The following GABPB1 variants were observed in gnomAD, a reference collection of about 807,000 sequenced individuals.
The protein encoded by GABPB1 is GA-binding protein subunit beta-1.
A neutral mutation model predicts 45.9 loss-of-function variants in GABPB1; 15 were observed. The ratio of observed to expected loss-of-function variants is 0.33; its 90% CI spans 0.22 to 0.50. GABPB1 has a LOEUF of 0.50. GABPB1 is among the 20% of genes least tolerant of loss of function. GABPB1 has a pLI of 0.98. For synonymous variants in GABPB1, 143 were observed against 154.4 expected, an observed-to-expected ratio of 0.93 and a Z score of 0.55; for missense variants, 252 against 457.5, an observed-to-expected ratio of 0.55 and a Z score of 4.10.
intron 1 of GABPB1, among the ~76,000 whole-genome samples, chr15:50,338,958 C>T (rs1244678564): frequency 6.6e-6 from 1 of 152,108 alleles, no homozygotes; most frequent in African/African-American, 2.4e-5. Context: ...GTCTGGAGTT[C>T]AAGACCAGCC....
chr15:50,339,173 C>G (rs1042386415), intron 1 of GABPB1, among the ~76,000 whole-genome samples: 1 of 152,066 alleles, frequency 6.6e-6, no homozygotes, highest in Non-Finnish European at 1.5e-5. Context: ...ACAAAACTAG[C>G]CAGGCATGGT....
chr15:50,299,401 C>G (rs1027166576), intron 6 of GABPB1, among the ~76,000 whole-genome samples: 2 of 152,058 alleles, frequency 1.3e-5, no homozygotes, highest in Non-Finnish European at 2.9e-5. Context: ...AACAGGTAAC[C>G]CTTTCATTTC....
At chr15:50,288,476 T>C (rs983169313) in intron 7 of GABPB1, among the ~76,000 whole-genome samples, 11 of 152,216 alleles carry the variant, frequency 7.2e-5, no homozygotes, top group African/African-American at 2.4e-4. Flanking sequence ...CATGCCCTAT[T>C]CTATCTCAGT....
intron 7 of GABPB1, among the ~76,000 whole-genome samples, chr15:50,288,293 C>T (rs1432788548): frequency 1.3e-5 from 2 of 152,142 alleles, no homozygotes; most frequent in African/African-American, 2.4e-5. Flanking sequence ...TGGCCTCAAG[C>T]AATCATCCCA....
chr15:50,298,282 T>A (rs1046312226), intron 6 of GABPB1, among the ~76,000 whole-genome samples: 1 of 152,072 alleles, frequency 6.6e-6, no homozygotes, highest in Non-Finnish European at 1.5e-5. Context: ...GACAGGATTT[T>A]GCCACGTTGT....
intron 3 of GABPB1, among the ~76,000 whole-genome samples, chr15:50,303,327 T>C (rs995266647): frequency 3.3e-5 from 5 of 152,114 alleles, no homozygotes; most frequent in African/African-American, 9.7e-5. Flanking sequence ...GGCGGTTGGA[T>C]CAGCTGAGCT....
chr15:50,279,251 G>A (rs1218080014), intron 8 of GABPB1, among the ~76,000 whole-genome samples: 1 of 152,146 alleles, frequency 6.6e-6, no homozygotes, highest in Non-Finnish European at 1.5e-5. Flanking sequence ...CAGATATTAT[G>A]CACAAGTTAA....
At chr15:50,286,309 C>T in intron 7 of GABPB1, 126 bp from the exon 8 acceptor site, 2 of 636,412 alleles carry the variant, frequency 3.1e-6, no homozygotes, top group Non-Finnish European at 4.7e-6. Flanking sequence ...AATTCCAAAT[C>T]ATTGATTTGC....
intron 2 of GABPB1, among the ~76,000 whole-genome samples, chr15:50,309,309 T>A (rs1191297928): frequency 6.6e-6 from 1 of 152,202 alleles, no homozygotes. Flanking sequence ...CATAAACTTG[T>A]TTTTCTTTTA....
chr15:50,301,191 C>T, intron 5 of GABPB1, 66 bp downstream of exon 5: 1 of 1,587,280 alleles, frequency 6.3e-7, no homozygotes, highest in Non-Finnish European at 8.6e-7. Context: ...GCATAAAATC[C>T]CAAAGCCTAT....
intron 1 of GABPB1, among the ~76,000 whole-genome samples, chr15:50,346,659 C>T (rs1429032350): frequency 1.3e-5 from 2 of 149,470 alleles, no homozygotes; most frequent in Non-Finnish European, 3.0e-5. Context: ...ACCACCTCAC[C>T]CAGCCCAGGA....
rs1164405960 is a variant in GABPB1, at chr15:50,275,945, T to C, written c.*2687A>G. 1 of 152,206 alleles carries C rather than the reference T, an allele frequency of 6.6e-6. No individual in the cohort carries two copies. Among genetic ancestry groups the C allele is most frequent in the Non-Finnish European group, 1.5e-5 (1 of 68,046 alleles). The allele number at this position is 152,206 out of a possible 1,614,324, so 9.4% of individuals were successfully genotyped here. A position where few individuals can be genotyped will look rare whatever the true frequency, so the allele number is the denominator to read the frequency against. ...ACTATACAGAGGGAAGTGTTAAATC[T>C]GAATAAAGTAATTGGGCAGTCAAGA... On this transcript the variant is annotated 3_prime_UTR_variant, in exon 9 of 9. Coordinates refer to ENST00000380877, the MANE Select transcript of GABPB1 (RefSeq NM_016654.5).
intron 3 of GABPB1, 89 bp from the exon 4 acceptor site, chr15:50,303,212 C>G (rs1191888433): frequency 1.5e-5 from 15 of 1,013,784 alleles, no homozygotes; most frequent in Non-Finnish European, 1.9e-5. Flanking sequence ...TGCTTTAAAG[C>G]AAGAACAAAT....
chr15:50,341,212 T>G (rs1315398530), intron 1 of GABPB1, among the ~76,000 whole-genome samples: 1 of 152,062 alleles, frequency 6.6e-6, no homozygotes, highest in African/African-American at 2.4e-5. Flanking sequence ...CAGAATACAG[T>G]GGCACTGACC....
chr15:50,316,154 AATAAGTTCTT>A (rs2141072559), intron 1 of GABPB1, among the ~76,000 whole-genome samples: 1 of 152,362 alleles, frequency 6.6e-6, no homozygotes, highest in African/African-American at 2.4e-5. Context: ...TGCTGTGGCA[AATAAGTTCTT>A]TACTCCAATT....
In GABPB1 at chr15:50,289,469, T is replaced by G. The variant is rs779746734; in HGVS notation, c.883+14A>C. ...AAAAAACATACAAACTTTATATAAA[T>G]GTCTACTACTAACCTTGTTGTCCAT... On this transcript the variant is annotated intron_variant, in intron 7 of 8. Coordinates refer to ENST00000380877, the MANE Select transcript of GABPB1 (RefSeq NM_016654.5). 8.0e-6 allele frequency: 12 copies of G among 1,501,942 alleles called. No individual in the cohort carries two copies. The highest frequency in any genetic ancestry group is 1.4e-5 in the African/African-American group (1 of 70,590). The allele number at this position is 1,501,942 out of a possible 1,614,324, so 93.0% of individuals were successfully genotyped here. A position where few individuals can be genotyped will look rare whatever the true frequency, so the allele number is the denominator to read the frequency against.
rs1034168796 is a variant in GABPB1, at chr15:50,279,861, C to T, written c.1000-1077G>A. ...AACTAAAGGTAAGTGGTTGGCCGAC[C>T]ACTGGGGAGGCACAGTATGAGATTC... On this transcript the variant is annotated intron_variant, in intron 8 of 8. Coordinates refer to ENST00000380877, the MANE Select transcript of GABPB1 (RefSeq NM_016654.5). Among the ~76,000 whole-genome samples, 3 of 152,172 alleles carry T rather than the reference C, an allele frequency of 2.0e-5. No individual in the cohort carries two copies. The South Asian group carries it at 6.2e-4, about 32-fold the overall frequency.
chr15:50,332,101 C>G (rs2047968446), intron 1 of GABPB1, among the ~76,000 whole-genome samples: 1 of 152,076 alleles, frequency 6.6e-6, no homozygotes, highest in South Asian at 2.1e-4. Context: ...TCTCGAACTC[C>G]TGACCTCAAG....
At chr15:50,283,408 C>T (rs940087340) in intron 8 of GABPB1, among the ~76,000 whole-genome samples, 1 of 151,746 alleles carries the variant, frequency 6.6e-6, no homozygotes, top group Non-Finnish European at 1.5e-5. Context: ...TAAAGCCCCA[C>T]AAAATTTACA....
Sources: gnomAD v4.1 joint callset for allele counts (sites outside exome capture counted in the v4.1 genomes callset) on GRCh38, gnomAD v4.1.1 for gene constraint, MANE v1.5 for transcripts, NCBI Gene and HGNC (gene_info 2026-07-23, HGNC 2026-07-21) for gene names.